Variants in LIN7A observed in about 807,000 individuals in gnomAD.
LIN7A encodes protein lin-7 homolog A.
In LIN7A, 25 loss-of-function variants were observed where a neutral mutation model predicts 29.8. The ratio of observed to expected loss-of-function variants is 0.84; its 90% confidence interval spans 0.61 to 1.17. The LOEUF is 1.17. Ranked by LOEUF, LIN7A falls within the 50% of genes most tolerant of loss-of-function variation. The pLI, the probability that LIN7A is intolerant of heterozygous loss-of-function variation, is 0.00. For missense variants in LIN7A, 239 were observed against 287.0 expected (o/e 0.83, Z 1.21); for synonymous variants, 118 against 107.5 (o/e 1.10, Z -0.60).
chr12:80,856,046 A>G (rs1436533725), intron 2 of LIN7A, among the ~76,000 whole-genome samples: 2 of 152,080 alleles, frequency 1.3e-5, no homozygotes, highest in African/African-American at 4.8e-5. Flanking sequence ...ATTCCTATAA[A>G]CTAAAAAATT....
At chr12:80,936,773 C>T (rs545074479) in intron 1 of LIN7A, 1 of 152,514 alleles carries the variant, frequency 6.6e-6, no homozygotes, top group East Asian at 1.9e-4. Flanking sequence ...ACACTTTCCC[C>T]GTTCAAGTCA....
At chr12:80,923,244 T>G (rs1337948028) in intron 1 of LIN7A, among the ~76,000 whole-genome samples, 1 of 152,188 alleles carries the variant, frequency 6.6e-6, no homozygotes, top group Admixed American at 6.5e-5. Context: ...TACCAGCAAC[T>G]CATTGGGGTT....
Position 80,826,061 on chromosome 12 carries a change from T to C in LIN7A, c.484-14378A>G, listed in dbSNP as rs114813224. ...TAAAACATTAATAATAGCTATAACA[T>C]TTAATTTAATTGGAGAGATTCAACA... is the stretch of plus-strand genomic sequence containing the variant. On this transcript the variant is annotated intron_variant, in intron 4 of 5. Coordinates refer to ENST00000552864, the MANE Select transcript of LIN7A (RefSeq NM_004664.4). Among the ~76,000 whole-genome samples, 824 of 152,112 alleles carry C rather than the reference T, an allele frequency of 5.4e-3. 3 individuals are homozygous for C. Among genetic ancestry groups the C allele is most frequent in the African/African-American group, 0.018 (749 of 41,528 alleles).
At chr12:80,906,501 TG>T (rs1876481946) in intron 1 of LIN7A, among the ~76,000 whole-genome samples, 2 of 151,990 alleles carry the variant, frequency 1.3e-5, no homozygotes, top group Admixed American at 1.3e-4. Context: ...CACTGGGGGT[TG>T]GGGGGTTTGC....
chr12:80,905,622 T>C (rs560448918), intron 1 of LIN7A, among the ~76,000 whole-genome samples: 1 of 152,258 alleles, frequency 6.6e-6, no homozygotes, highest in East Asian at 1.9e-4. Context: ...CCACTAACAG[T>C]TTTTGCCTCA....
At chr12:80,887,565 T>C (rs923812755) in intron 2 of LIN7A, among the ~76,000 whole-genome samples, 2 of 152,150 alleles carry the variant, frequency 1.3e-5, no homozygotes, top group African/African-American at 4.8e-5. Flanking sequence ...CCTGGAACAC[T>C]ATGACCCCTG....
chr12:80,793,620 A>G lies in LIN7A; in HGVS notation c.*4107T>C, dbSNP rs544452591. The G allele has an allele frequency of 1.4e-3, 216 of 152,306 alleles. 1 individual carries two copies. The highest frequency in any genetic ancestry group is 5.0e-3 in the African/African-American group (208 of 41,556). 9.4% of individuals were successfully genotyped at this position (152,306 alleles called of 1,614,324 possible). On this transcript the variant is annotated 3_prime_UTR_variant, in exon 6 of 6. Coordinates refer to ENST00000552864, the MANE Select transcript of LIN7A (RefSeq NM_004664.4). ...AGCATGCACTAGGTACACAATAAGT[A>G]TTTGTTAAATGAATAAACACATGGA...
rs553930250 is a variant in LIN7A, at chr12:80,912,005, T to C, written c.83-22636A>G. 2.5e-3 allele frequency among the ~76,000 whole-genome samples: 159 copies of C among 64,660 alleles called. No individual in the cohort carries two copies. The South Asian group carries it at 0.026, about 10-fold the overall frequency. The allele number at this position is 64,660 out of a possible 152,430, so 42.4% of individuals were successfully genotyped here. A position where few individuals can be genotyped will look rare whatever the true frequency, so the allele number is the denominator to read the frequency against. The stretch of plus-strand genomic sequence containing the variant: ...ATTTTATTAATGCTTTAAACATATT[T>C]ATTTCTCTATTAACAGATAAGAAAA... On this transcript the variant is annotated intron_variant, in intron 1 of 5. Coordinates refer to ENST00000552864, the MANE Select transcript of LIN7A (RefSeq NM_004664.4).
At chr12:80,908,026 A>G (rs1876574793) in intron 1 of LIN7A, among the ~76,000 whole-genome samples, 1 of 152,108 alleles carries the variant, frequency 6.6e-6, no homozygotes, top group Non-Finnish European at 1.5e-5. Context: ...GTTATTGCCT[A>G]TGACCTAAAA....
At chr12:80,922,582 TA>T (rs1266809029) in intron 1 of LIN7A, among the ~76,000 whole-genome samples, 1 of 152,182 alleles carries the variant, frequency 6.6e-6, no homozygotes. Context: ...AGGATCAAAA[TA>T]TGCTGGTACT....
chr12:80,921,049 A>G (rs998912078), intron 1 of LIN7A, among the ~76,000 whole-genome samples: 1 of 152,160 alleles, frequency 6.6e-6, no homozygotes, highest in Admixed American at 6.5e-5. Flanking sequence ...CAAAATGCCT[A>G]TGCTGAAGCC....
At chr12:80,893,724 C>T (rs897721637) in intron 1 of LIN7A, among the ~76,000 whole-genome samples, 1 of 152,192 alleles carries the variant, frequency 6.6e-6, no homozygotes, top group Non-Finnish European at 1.5e-5. Flanking sequence ...CATCTCTTTC[C>T]TCGTGGCATA....
intron 4 of LIN7A, 78 bp downstream of exon 4, chr12:80,845,652 G>T: frequency 8.0e-6 from 9 of 1,127,738 alleles, no homozygotes; most frequent in Non-Finnish European, 1.2e-5. Context: ...GGTTTTCAAC[G>T]TTGACTTCAG....
chr12:80,866,613 A>G (rs1396565630), intron 2 of LIN7A, among the ~76,000 whole-genome samples: 1 of 152,178 alleles, frequency 6.6e-6, no homozygotes, highest in Non-Finnish European at 1.5e-5. Flanking sequence ...TCCCACCCCA[A>G]CATTCTGATC....
rs1870446970 is a variant in LIN7A, at chr12:80,796,339, C to A, written c.*1388G>T. 6.6e-6 allele frequency: 1 copy of A among 152,048 alleles called. No individual in the cohort carries two copies. Among genetic ancestry groups the A allele is most frequent in the Non-Finnish European group, 1.5e-5 (1 of 68,006 alleles). The allele number at this position is 152,048 out of a possible 1,614,324, so 9.4% of individuals were successfully genotyped here. A position where few individuals can be genotyped will look rare whatever the true frequency, so the allele number is the denominator to read the frequency against. On this transcript the variant is annotated 3_prime_UTR_variant, in exon 6 of 6. Coordinates refer to ENST00000552864, the MANE Select transcript of LIN7A (RefSeq NM_004664.4). ...TTTATGTGCTTAAGGTATTCAAATG[C>A]CCAAACAATTATTGCTTCCTATTTA...
At chr12:80,901,442 A>G (rs1447187150) in intron 1 of LIN7A, among the ~76,000 whole-genome samples, 2 of 152,202 alleles carry the variant, frequency 1.3e-5, no homozygotes, top group Non-Finnish European at 2.9e-5. Flanking sequence ...AGCCACAAAT[A>G]TATACCAGTT....
At chr12:80,899,550 G>A (rs540594197) in intron 1 of LIN7A, among the ~76,000 whole-genome samples, 11 of 152,094 alleles carry the variant, frequency 7.2e-5, no homozygotes, top group African/African-American at 2.2e-4. Context: ...AATAGTTTCA[G>A]TAGGAATGGT....
At chr12:80,908,211 T>G (rs531759564) in intron 1 of LIN7A, among the ~76,000 whole-genome samples, 1 of 152,100 alleles carries the variant, frequency 6.6e-6, no homozygotes, top group Non-Finnish European at 1.5e-5. Context: ...TTAGTTAAGA[T>G]TTAAGAAATA....
chr12:80,872,062 A>C (rs1263995313), intron 2 of LIN7A, among the ~76,000 whole-genome samples: 1 of 152,112 alleles, frequency 6.6e-6, no homozygotes, highest in African/African-American at 2.4e-5. Flanking sequence ...TTATATCTTC[A>C]AATACTGGAC....
Sources: gnomAD v4.1 joint callset for allele counts (sites outside exome capture counted in the v4.1 genomes callset) on GRCh38, gnomAD v4.1.1 for gene constraint, MANE v1.5 for transcripts, NCBI Gene and HGNC (gene_info 2026-07-23, HGNC 2026-07-21) for gene names.